Variants in ZNF536 observed in about 807,000 individuals in gnomAD.
ZNF536 encodes zinc finger protein 536.
In ZNF536, 13 loss-of-function variants were observed where a neutral mutation model predicts 84.5. That is an observed-to-expected ratio of 0.15 (90% CI 0.10 to 0.24). The LOEUF is 0.24. Ranked by LOEUF, ZNF536 falls within the 10% of genes least tolerant of loss-of-function variation. The probability of loss-of-function intolerance (pLI) is 1.00; values close to 1 mark genes in which losing one functional copy is unlikely to be tolerated. For missense variants in ZNF536, 1,536 were observed against 1,747.5 expected, an observed-to-expected ratio of 0.88 and a Z score of 2.16; for synonymous variants, 811 against 742.5, an observed-to-expected ratio of 1.09 and a Z score of -1.50.
At chr19:30,491,666 T>C (rs2054514235) in intron 2 of ZNF536, among the ~76,000 whole-genome samples, 1 of 152,116 alleles carries the variant, frequency 6.6e-6, no homozygotes, top group South Asian at 2.1e-4. Context: ...ACCTGTGCAC[T>C]AACAAAAAAT....
downstream of ZNF536, among the ~76,000 whole-genome samples, chr19:30,562,884 C>T (rs1038457823): frequency 1.4e-4 from 22 of 152,178 alleles, no homozygotes; most frequent in South Asian, 6.2e-4. Flanking sequence ...CTTGCAAGCC[C>T]GGGGTAGTTT....
chr19:30,470,196 G>C (rs1166650847), intron 2 of ZNF536, among the ~76,000 whole-genome samples: 1 of 152,126 alleles, frequency 6.6e-6, no homozygotes, highest in Non-Finnish European at 1.5e-5. Flanking sequence ...AGTTTCTTTA[G>C]CTACACCCTT....
chr19:30,526,743 AAAG>A (rs2044603082), intron 2 of ZNF536, among the ~76,000 whole-genome samples: 2 of 124,464 alleles, frequency 1.6e-5, no homozygotes, highest in Non-Finnish European at 4.0e-5. Context: ...AAAAAAAAAA[AAAG>A]AACGGGTTCA....
chr19:30,664,204 T>C (rs57541763), intron 1 of ZNF536, among the ~76,000 whole-genome samples: 1,464 of 90,646 alleles, frequency 0.016, 109 homozygotes, highest in African/African-American at 0.043. Flanking sequence ...TTGCTGAGTT[T>C]TCTCTCTCTC....
chr19:30,709,802 A>G (rs66522104), intron 1 of ZNF536, among the ~76,000 whole-genome samples: 47,243 of 151,854 alleles, frequency 0.31, 7,554 homozygotes, highest in East Asian at 0.43. Flanking sequence ...TTTTTTTTGT[A>G]CAGACAGTCT....
chr19:30,283,520 G>T (rs554688425), intron 1 of ZNF536, among the ~76,000 whole-genome samples: 1 of 152,328 alleles, frequency 6.6e-6, no homozygotes, highest in East Asian at 1.9e-4. Flanking sequence ...GAGAGAGGAC[G>T]TTGATGCCAA....
chr19:30,625,045 A>G lies in ZNF536; in HGVS notation c.169+75531A>G, dbSNP rs138787141. 1.1e-4 allele frequency among the ~76,000 whole-genome samples: 17 copies of G among 152,354 alleles called. No homozygotes were observed. In the East Asian group the frequency reaches 3.3e-3, roughly 29 times the overall value. On this transcript the variant is annotated intron_variant, in intron 1 of 1. Transcript: ENST00000592773. ...TGAGTCAATTAAACCTCCTTTGTTT[A>G]TAAATCACCAGGTCTTGGGCAGTAT...
intron 2 of ZNF536, among the ~76,000 whole-genome samples, chr19:30,449,530 G>T (rs2052501429): frequency 6.6e-6 from 1 of 152,152 alleles, no homozygotes; most frequent in Admixed American, 6.5e-5. Flanking sequence ...AAATGATACT[G>T]TTCATTATAT....
At position 30,237,941 on chromosome 19, in the gene ZNF536, C is replaced by T. The variant is rs370112384; in HGVS notation, c.-190+9268C>T. On this transcript the variant is annotated intron_variant, in intron 1 of 5. Coordinates refer to the ZNF536 transcript ENST00000585628. The stretch of plus-strand genomic sequence containing the variant: ...CCATGATAAAGAGCTCAGGACCAGT[C>T]AGATGGCACCAAGTTTGCCATCCAG... Among the ~76,000 whole-genome samples the T allele has an allele frequency of 1.4e-3, 216 of 152,272 alleles. 1 individual carries two copies. The highest frequency in any genetic ancestry group is 5.0e-3 in the African/African-American group (207 of 41,542).
intron 1 of ZNF536, among the ~76,000 whole-genome samples, chr19:30,627,734 C>A (rs2048739391): frequency 6.6e-6 from 1 of 152,138 alleles, no homozygotes; most frequent in Admixed American, 6.5e-5. Context: ...AAGACACAGA[C>A]CAGGGAGGAA....
chr19:30,569,215 A>C (rs1318858972), intron 1 of ZNF536, among the ~76,000 whole-genome samples: 1 of 151,984 alleles, frequency 6.6e-6, no homozygotes, highest in Admixed American at 6.6e-5. Context: ...TTTTGTGTTG[A>C]GGTATATATC....
intron 1 of ZNF536, among the ~76,000 whole-genome samples, chr19:30,631,103 G>A (rs1183037495): frequency 6.6e-6 from 1 of 152,168 alleles, no homozygotes; most frequent in East Asian, 1.9e-4. Context: ...CCGTGCAGCC[G>A]GGCACTCCCG....
intron 2 of ZNF536, among the ~76,000 whole-genome samples, chr19:30,512,062 G>A (rs919294013): frequency 3.9e-5 from 6 of 152,104 alleles, no homozygotes; most frequent in Non-Finnish European, 8.8e-5. Flanking sequence ...AAGCTTTTAT[G>A]GATATACAGA....
chr19:30,498,957 T>G (rs1006394089), intron 2 of ZNF536, among the ~76,000 whole-genome samples: 5 of 152,114 alleles, frequency 3.3e-5, no homozygotes, highest in African/African-American at 1.2e-4. Context: ...TGTTTCCATT[T>G]GAGCCTTTAG....
rs1215412018 is a variant in ZNF536, at chr19:30,660,154, G to A, written c.170-50603G>A. 4.6e-5 allele frequency among the ~76,000 whole-genome samples: 7 copies of A among 152,102 alleles called. No individual in the cohort carries two copies. The South Asian group carries it at 8.3e-4, about 18-fold the overall frequency. On this transcript the variant is annotated intron_variant, in intron 1 of 1. Coordinates refer to the ZNF536 transcript ENST00000592773. ...AACAATTGTTGTTTTCTTGTCTCTG[G>A]AGACCTGCAGATCTGGTTATTTTTG...
chr19:30,452,606 C>A (rs1181228295), intron 2 of ZNF536, among the ~76,000 whole-genome samples: 1 of 152,144 alleles, frequency 6.6e-6, no homozygotes, highest in Non-Finnish European at 1.5e-5. Flanking sequence ...AAGAACTGTG[C>A]AGGGAGCATT....
At chr19:30,675,630 G>A (rs1278219124) in intron 1 of ZNF536, among the ~76,000 whole-genome samples, 1 of 152,200 alleles carries the variant, frequency 6.6e-6, no homozygotes, top group African/African-American at 2.4e-5. Flanking sequence ...CTCATCTTGA[G>A]ATGTCTGTTT....
At chr19:30,680,342 G>A (rs2050916972) in intron 1 of ZNF536, among the ~76,000 whole-genome samples, 1 of 150,922 alleles carries the variant, frequency 6.6e-6, no homozygotes, top group African/African-American at 2.4e-5. Flanking sequence ...ATGTTGGTGT[G>A]CTGCACCCAT....
At chr19:30,239,184 G>A (rs537653922) in intron 1 of ZNF536, among the ~76,000 whole-genome samples, 2 of 152,168 alleles carry the variant, frequency 1.3e-5, no homozygotes, top group Admixed American at 6.5e-5. Flanking sequence ...CATCTTCCCC[G>A]GGGAAATTTG....
Sources: gnomAD v4.1 joint callset for allele counts (sites outside exome capture counted in the v4.1 genomes callset) on GRCh38, gnomAD v4.1.1 for gene constraint, MANE v1.5 for transcripts, NCBI Gene and HGNC (gene_info 2026-07-23, HGNC 2026-07-21) for gene names.